Variants in UGT2A3 observed in about 807,000 individuals in gnomAD.
UGT2A3 encodes UDP glucuronosyltransferase family 2 member A3.
A neutral mutation model predicts 44.1 loss-of-function variants in UGT2A3; 55 were observed. That is an observed-to-expected ratio of 1.25 (90% CI 1.00 to 1.56). UGT2A3 has a LOEUF of 1.56. Among genes scored for constraint, UGT2A3 ranks in the 40% most tolerant of loss-of-function variants. The pLI is 0.00. For missense variants in UGT2A3, 733 were observed against 621.6 expected (o/e 1.18, Z -1.91); for synonymous variants, 243 against 215.1 (o/e 1.13, Z -1.13).
At chr4:68,945,733 AAAGAAG>A (rs1158740193) in intron 1 of UGT2A3, among the ~76,000 whole-genome samples, 3 of 70,488 alleles carry the variant, frequency 4.3e-5, no homozygotes, top group Non-Finnish European at 9.9e-5. Flanking sequence ...GGAAGGAAGG[AAAGAAG>A]GAAGGAAGGA....
chr4:68,939,995 G>A (rs994623661), intron 2 of UGT2A3, among the ~76,000 whole-genome samples: 1 of 152,118 alleles, frequency 6.6e-6, no homozygotes, highest in Admixed American at 6.6e-5. Flanking sequence ...AAACCACAAT[G>A]AGATACCATC....
chr4:68,942,559 A>G (rs1718240438), intron 2 of UGT2A3, among the ~76,000 whole-genome samples: 3 of 142,568 alleles, frequency 2.1e-5, no homozygotes, highest in Non-Finnish European at 4.6e-5. Context: ...ATGTTTATAT[A>G]TATCCATTTC....
At chr4:68,934,159 TC>T (rs544105473) in intron 2 of UGT2A3, among the ~76,000 whole-genome samples, 22 of 151,846 alleles carry the variant, frequency 1.4e-4, no homozygotes, top group Non-Finnish European at 2.6e-4. Flanking sequence ...CACAATAATC[TC>T]TTTGACAAGT....
intron 3 of UGT2A3, among the ~76,000 whole-genome samples, chr4:68,931,719 C>G (rs1717742880): frequency 6.6e-6 from 1 of 151,890 alleles, no homozygotes; most frequent in East Asian, 1.9e-4. Context: ...TTCCTGGCCT[C>G]TTTCTTCTTA....
intron 1 of UGT2A3, 91 bp downstream of exon 1, chr4:68,950,955 A>G: frequency 4.6e-6 from 4 of 869,582 alleles, no homozygotes; most frequent in Non-Finnish European, 6.6e-6. Context: ...AAACTCATTG[A>G]CCTGCATATA....
At chr4:68,939,233 A>G (rs1254428057) in intron 2 of UGT2A3, among the ~76,000 whole-genome samples, 2 of 152,218 alleles carry the variant, frequency 1.3e-5, no homozygotes, top group African/African-American at 4.8e-5. Context: ...ATGAGCCTGC[A>G]TTGCCAAGAC....
At position 68,932,723 on chromosome 4, in the gene UGT2A3, C is replaced by A. The variant is rs771023631; in HGVS notation, c.901G>T (p.Gly301Cys). Reference protein sequence around the residue: ...ENFVQSSGEDGIVVFSLGSLF... With the variant: ...ENFVQSSGEDCIVVFSLGSLF... ...GACCCCAGAGAAAACACCACAATAC[C>A]ATCTTCCCCTGAACTCTGGACAAAA... Residue 301 changes from glycine to cysteine, a missense_variant, in exon 3 of 6, where the codon GGT (glycine) becomes TGT (cysteine). Transcript: ENST00000251566. 3 of 1,610,220 alleles carry A rather than the reference C, an allele frequency of 1.9e-6. No homozygotes were observed. Among genetic ancestry groups the A allele is most frequent in the Middle Eastern group, 1.7e-4 (1 of 5,976 alleles).
intron 1 of UGT2A3, among the ~76,000 whole-genome samples, chr4:68,946,031 T>C (rs1718373711): frequency 6.6e-6 from 1 of 151,652 alleles, no homozygotes; most frequent in Non-Finnish European, 1.5e-5. Context: ...TAGGAGAAAT[T>C]CCTTTACTGA....
chr4:68,951,293 G>A lies in UGT2A3; in HGVS notation c.468C>T (p.Asp156=). 1 of 1,612,132 alleles carries A rather than the reference G, an allele frequency of 6.2e-7. No individual in the cohort carries two copies. Among genetic ancestry groups the A allele is most frequent in the Non-Finnish European group, 8.5e-7 (1 of 1,179,112 alleles). The change falls in exon 1 of 6, where the codon GAC becomes GAT. Residue 156 remains aspartate (D), a synonymous_variant. Coordinates refer to ENST00000251566, the MANE Select transcript of UGT2A3 (RefSeq NM_024743.4). ...GGACTGCAAGCAACTCAGCCATCAG[G>A]TCTCCACAGGGAATCACAGGGTCTA... ...MLIDPVIPCG[D]LMAELLAVPF...
At chr4:68,945,279 T>A in intron 2 of UGT2A3, 27 bp downstream of exon 2, 1 of 1,609,146 alleles carries the variant, frequency 6.2e-7, no homozygotes, top group Non-Finnish European at 8.5e-7. Flanking sequence ...ATAAAGTACA[T>A]AATATTCCTT....
At chr4:68,936,241 A>C (rs1296258640) in intron 2 of UGT2A3, among the ~76,000 whole-genome samples, 1 of 152,104 alleles carries the variant, frequency 6.6e-6, no homozygotes, top group Non-Finnish European at 1.5e-5. Context: ...TGAGAAGACC[A>C]ACTCCAAGAC....
chr4:68,945,052 T>C (rs746819731), intron 2 of UGT2A3, among the ~76,000 whole-genome samples: 21 of 151,730 alleles, frequency 1.4e-4, no homozygotes, highest in Non-Finnish European at 1.5e-5. Context: ...ATTAATTCAA[T>C]TTATTATCCA....
chr4:68,947,143 A>T (rs1718411300), intron 1 of UGT2A3, among the ~76,000 whole-genome samples: 1 of 151,714 alleles, frequency 6.6e-6, no homozygotes, highest in Admixed American at 6.6e-5. Flanking sequence ...GATGTTTCAC[A>T]GCAGTTTACC....
chr4:68,944,791 A>G (rs1011973804), intron 2 of UGT2A3, among the ~76,000 whole-genome samples: 6 of 151,806 alleles, frequency 4.0e-5, no homozygotes, highest in Non-Finnish European at 8.8e-5. Context: ...CTAAGCACTT[A>G]TTTGAGTAAA....
chr4:68,946,205 A>G (rs1400970015), intron 1 of UGT2A3, among the ~76,000 whole-genome samples: 1 of 151,688 alleles, frequency 6.6e-6, no homozygotes, highest in Non-Finnish European at 1.5e-5. Context: ...GCTAACTACA[A>G]ATAACTAAGT....
chr4:68,944,470 C>T (rs1023046812), intron 2 of UGT2A3, among the ~76,000 whole-genome samples: 1 of 151,792 alleles, frequency 6.6e-6, no homozygotes, highest in African/African-American at 2.4e-5. Flanking sequence ...ACTATAACAA[C>T]TATTACTCAC....
chr4:68,930,429 C>T, intron 5 of UGT2A3, 117 bp downstream of exon 5: 1 of 992,370 alleles, frequency 1.0e-6, no homozygotes, highest in East Asian at 2.5e-5. Flanking sequence ...TGATGAATGA[C>T]TCAATATTGT....
At chr4:68,948,128 C>A (rs918157670) in intron 1 of UGT2A3, among the ~76,000 whole-genome samples, 4 of 151,830 alleles carry the variant, frequency 2.6e-5, no homozygotes, top group African/African-American at 4.8e-5. Context: ...CTTCTTCCAA[C>A]AGAAGGCTGT....
At position 68,929,517 on chromosome 4, in the gene UGT2A3, A is replaced by C. The variant is rs1377685183; in HGVS notation, c.*296T>G. On this transcript the variant is annotated 3_prime_UTR_variant, in exon 6 of 6. Coordinates refer to ENST00000251566, the MANE Select transcript of UGT2A3 (RefSeq NM_024743.4). ...GAATAATCATATTGCATGTCACCCTATCACTTAAGGTTATAGAAGTAATGA... is the reference window on the plus strand; with the variant it reads ...GAATAATCATATTGCATGTCACCCTCTCACTTAAGGTTATAGAAGTAATGA... The C allele has an allele frequency of 2.2e-5, 5 of 228,522 alleles. No homozygotes were observed. Among genetic ancestry groups the C allele is most frequent in the Non-Finnish European group, 4.3e-5 (5 of 116,426 alleles). The allele number at this position is 228,522 out of a possible 1,614,324, so 14.2% of individuals were successfully genotyped here.
Sources: allele counts gnomAD v4.1 joint callset (sites outside exome capture counted in the v4.1 genomes callset), GRCh38; gene constraint gnomAD v4.1.1; transcripts MANE v1.5; gene names NCBI Gene and HGNC (gene_info 2026-07-23, HGNC 2026-07-21).